Variants in PTCHD4 observed in about 807,000 individuals in gnomAD.
The protein encoded by PTCHD4 is patched domain-containing protein 4.
PTCHD4 carries 33 observed loss-of-function variants against 58.1 expected under a neutral mutation model. The observed-to-expected ratio is 0.57, with a 90% CI of 0.43 to 0.76. The LOEUF (loss-of-function observed/expected upper bound fraction) is 0.76. Among genes scored for constraint, PTCHD4 ranks in the 30% least tolerant of loss-of-function variants. The pLI is 0.00. For missense variants in PTCHD4, 1,058 were observed against 1,027.1 expected, an observed-to-expected ratio of 1.03 and a Z score of -0.41; for synonymous variants, 478 against 409.6, an observed-to-expected ratio of 1.17 and a Z score of -2.02.
chr6:47,932,451 A>G (rs1765857320), intron 4 of PTCHD4, among the ~76,000 whole-genome samples: 1 of 152,236 alleles, frequency 6.6e-6, no homozygotes, highest in Non-Finnish European at 1.5e-5. Flanking sequence ...ACAACAGATT[A>G]TGAGAATGAG....
At chr6:48,006,156 C>A (rs1258291404) in intron 4 of PTCHD4, among the ~76,000 whole-genome samples, 1 of 152,126 alleles carries the variant, frequency 6.6e-6, no homozygotes, top group Admixed American at 6.5e-5. Flanking sequence ...TTCAGAGGGA[C>A]CATTAAGCAG....
intron 3 of PTCHD4, among the ~76,000 whole-genome samples, chr6:48,052,796 G>A (rs769830219): frequency 5.9e-5 from 9 of 152,138 alleles, no homozygotes; most frequent in Non-Finnish European, 1.0e-4. Context: ...CCAGTTATCA[G>A]TGGCCAGTGG....
chr6:48,105,777 G>A (rs982758644), intron 1 of PTCHD4, among the ~76,000 whole-genome samples: 6 of 152,052 alleles, frequency 3.9e-5, no homozygotes, highest in Non-Finnish European at 7.4e-5. Context: ...TATCACCACC[G>A]ATCCCACAGA....
At chr6:47,986,356 T>A (rs137865020) in intron 4 of PTCHD4, among the ~76,000 whole-genome samples, 3 of 152,184 alleles carry the variant, frequency 2.0e-5, no homozygotes, top group African/African-American at 7.2e-5. Context: ...AAATGCTCAA[T>A]ATATTTTAGT....
chr6:47,891,744 TC>T (rs1297285185), intron 4 of PTCHD4, among the ~76,000 whole-genome samples: 1 of 152,066 alleles, frequency 6.6e-6, no homozygotes, highest in Non-Finnish European at 1.5e-5. Context: ...TACTCCATGG[TC>T]CCCGATGGCG....
chr6:48,032,956 T>C (rs547517172), intron 3 of PTCHD4, among the ~76,000 whole-genome samples: 1 of 152,274 alleles, frequency 6.6e-6, no homozygotes, highest in South Asian at 2.1e-4. Flanking sequence ...TGTTTTGCAA[T>C]TGTCTACACT....
intron 4 of PTCHD4, among the ~76,000 whole-genome samples, chr6:47,989,078 A>G (rs1768187762): frequency 6.6e-6 from 1 of 152,180 alleles, no homozygotes. Flanking sequence ...GAGATGAAGA[A>G]CTTGTTGGGA....
chr6:47,996,730 C>G (rs1254196142), intron 4 of PTCHD4, among the ~76,000 whole-genome samples: 3 of 152,174 alleles, frequency 2.0e-5, no homozygotes, highest in Non-Finnish European at 2.9e-5. Flanking sequence ...CTTTTAAGTG[C>G]ATGAAGCTCC....
chr6:48,021,860 T>C (rs1207268316), intron 3 of PTCHD4, among the ~76,000 whole-genome samples: 2 of 152,178 alleles, frequency 1.3e-5, no homozygotes, highest in Non-Finnish European at 2.9e-5. Context: ...TGTGTATCTT[T>C]TTTATCTCTC....
chr6:47,907,991 C>T (rs1179371550), intron 4 of PTCHD4, among the ~76,000 whole-genome samples: 4 of 152,094 alleles, frequency 2.6e-5, no homozygotes, highest in Admixed American at 6.6e-5. Context: ...TGGGCAAACG[C>T]TTAGCAACCC....
chr6:47,861,547 A>G lies in PTCHD4; in HGVS notation c.*16756T>C, dbSNP rs1425141989. Among the ~76,000 whole-genome samples, 5 of 151,966 alleles carry G rather than the reference A, an allele frequency of 3.3e-5. No individual in the cohort carries two copies. The highest frequency in any genetic ancestry group is 1.3e-4 in the Admixed American group (2 of 15,222). On this transcript the variant is annotated 3_prime_UTR_variant, in exon 5 of 5. Coordinates refer to ENST00000339488, the MANE Select transcript of PTCHD4 (RefSeq NM_001384253.1). ...TTCCTATCTTACCATTTTGTCCAAAACACATCTAGTACTCATTGACATTTA... is the reference window on the plus strand; with the variant it reads ...TTCCTATCTTACCATTTTGTCCAAAGCACATCTAGTACTCATTGACATTTA...
Position 47,870,277 on chromosome 6 carries a change from T to C in PTCHD4, c.*8026A>G, listed in dbSNP as rs1393162021. On this transcript the variant is annotated 3_prime_UTR_variant, in exon 5 of 5. Coordinates refer to ENST00000339488, the MANE Select transcript of PTCHD4 (RefSeq NM_001384253.1). Reference sequence around the variant, plus strand: ...ATTTGTACCTGTAAGCTTTAGATAATAGATTTGTCATGCAGATAAATTATG... The same window carrying C: ...ATTTGTACCTGTAAGCTTTAGATAACAGATTTGTCATGCAGATAAATTATG... Among the ~76,000 whole-genome samples the C allele has an allele frequency of 6.6e-6, 1 of 151,644 alleles. No individual in the cohort carries two copies. The highest frequency in any genetic ancestry group is 1.5e-5 in the Non-Finnish European group (1 of 67,714).
chr6:48,086,349 A>C (rs9381637), intron 1 of PTCHD4, among the ~76,000 whole-genome samples: 1 of 152,206 alleles, frequency 6.6e-6, no homozygotes, highest in Non-Finnish European at 1.5e-5. Context: ...CCCCATTCTT[A>C]GTTCATTATT....
intron 4 of PTCHD4, among the ~76,000 whole-genome samples, chr6:47,946,575 T>C (rs1766426296): frequency 1.3e-5 from 2 of 152,156 alleles, no homozygotes; most frequent in South Asian, 2.1e-4. Flanking sequence ...TTGTCTATCA[T>C]TATGTTTAGG....
At chr6:48,098,318 TTTCTTCTTCTTCTTC>T (rs374977976) in intron 1 of PTCHD4, among the ~76,000 whole-genome samples, 2 of 142,606 alleles carry the variant, frequency 1.4e-5, no homozygotes, top group Non-Finnish European at 3.1e-5. Flanking sequence ...TTTCTTTTCT[TTTCTTCTTCTTCTTC>T]TTCTTCTTCT....
At chr6:47,968,938 T>A (rs186017139) in intron 4 of PTCHD4, among the ~76,000 whole-genome samples, 1 of 152,204 alleles carries the variant, frequency 6.6e-6, no homozygotes, top group South Asian at 2.1e-4. Flanking sequence ...TTGCAGTAAT[T>A]TGTTTCTTTG....
intron 3 of PTCHD4, among the ~76,000 whole-genome samples, chr6:48,062,162 C>T (rs555231035): frequency 6.6e-6 from 1 of 152,200 alleles, no homozygotes; most frequent in South Asian, 2.1e-4. Flanking sequence ...ATAAAGATTG[C>T]TTCACTTGTA....
chr6:47,980,703 A>G (rs1017970516), intron 4 of PTCHD4, among the ~76,000 whole-genome samples: 2 of 151,990 alleles, frequency 1.3e-5, no homozygotes, highest in African/African-American at 4.8e-5. Context: ...TTTAAATGAA[A>G]ATAATTAAAA....
chr6:48,030,710 C>T (rs1246221358), intron 3 of PTCHD4, among the ~76,000 whole-genome samples: 3 of 152,124 alleles, frequency 2.0e-5, no homozygotes, highest in African/African-American at 4.8e-5. Context: ...CCATCATCCT[C>T]CACCATCTAA....
Sources: allele counts gnomAD v4.1 joint callset (sites outside exome capture counted in the v4.1 genomes callset), GRCh38; gene constraint gnomAD v4.1.1; transcripts MANE v1.5; gene names NCBI Gene and HGNC (gene_info 2026-07-23, HGNC 2026-07-21).